NDUFB6: variants seen among roughly 807,000 people sequenced by gnomAD.
NDUFB6 encodes NADH:ubiquinone oxidoreductase subunit B6.
A neutral mutation model predicts 17.5 loss-of-function variants in NDUFB6; 23 were observed. The ratio of observed to expected loss-of-function variants is 1.31; its 90% confidence interval spans 0.94 to 1.86. The LOEUF (loss-of-function observed/expected upper bound fraction) is 1.86, where lower values mean the gene tolerates loss of function less well. NDUFB6 is among the 40% of genes most tolerant of loss of function. The pLI is 0.00. For missense variants in NDUFB6, 167 were observed against 153.8 expected (o/e 1.09, Z -0.46); for synonymous variants, 60 against 53.5 (o/e 1.12, Z -0.53).
At chr9:32,557,475 TTTTTTCC>T (rs1821498447) in intron 3 of NDUFB6, among the ~76,000 whole-genome samples, 1 of 150,342 alleles carries the variant, frequency 6.7e-6, no homozygotes, top group Non-Finnish European at 1.5e-5. Flanking sequence ...CCCTACTTTT[TTTTTTCC>T]TTTTTCCTTT....
chr9:32,566,126 A>G, intron 2 of NDUFB6: 1 of 577,018 alleles, frequency 1.7e-6, no homozygotes. Flanking sequence ...TCGAACAAAG[A>G]CGAGAATATG....
intron 2 of NDUFB6, chr9:32,565,291 CAA>C (rs373202494): frequency 3.7e-5 from 5 of 136,524 alleles, no homozygotes; most frequent in Non-Finnish European, 3.2e-5. Context: ...GACCCTGTCT[CAA>C]AAAAAAAAAA....
At chr9:32,567,042 T>C (rs1210480768) in intron 2 of NDUFB6, 1 of 498,986 alleles carries the variant, frequency 2.0e-6, no homozygotes, top group Non-Finnish European at 4.0e-6. Flanking sequence ...TTGCGCAGCA[T>C]CTCCCGGCAG....
chr9:32,557,329 A>T, intron 3 of NDUFB6, among the ~76,000 whole-genome samples: 1 of 102,030 alleles, frequency 9.8e-6, no homozygotes, highest in Non-Finnish European at 2.2e-5. Flanking sequence ...ACACCTGGCT[A>T]ATTTTTGTAT....
intron 2 of NDUFB6, chr9:32,566,985 A>G (rs778591428): frequency 1.8e-5 from 9 of 507,934 alleles, no homozygotes; most frequent in Non-Finnish European, 3.5e-5. Context: ...CGCTTCGGTC[A>G]GCTCCATGCC....
chr9:32,566,844 T>C, intron 2 of NDUFB6: 1 of 851,896 alleles, frequency 1.2e-6, no homozygotes, highest in Non-Finnish European at 1.9e-6. Flanking sequence ...CATCACACAG[T>C]AGCTGCCGGG....
intron 3 of NDUFB6, among the ~76,000 whole-genome samples, chr9:32,557,636 C>A (rs898223268): frequency 2.0e-5 from 3 of 151,494 alleles, no homozygotes; most frequent in Non-Finnish European, 4.4e-5. Flanking sequence ...CCCGCCACCA[C>A]GCACGGTAAT....
At chr9:32,554,423 T>C (rs190928945) in intron 3 of NDUFB6, among the ~76,000 whole-genome samples, 6 of 152,338 alleles carry the variant, frequency 3.9e-5, no homozygotes, top group Admixed American at 1.3e-4. Flanking sequence ...ATTCTTGATA[T>C]AGATGTGGGC....
At chr9:32,563,905 T>C (rs1281889928) in intron 2 of NDUFB6, among the ~76,000 whole-genome samples, 1 of 152,216 alleles carries the variant, frequency 6.6e-6, no homozygotes, top group Non-Finnish European at 1.5e-5. Flanking sequence ...TATGTTCCCA[T>C]CATTCTTTCA....
chr9:32,555,765 T>G (rs1040276524), intron 3 of NDUFB6, among the ~76,000 whole-genome samples: 13 of 152,182 alleles, frequency 8.5e-5, no homozygotes, highest in African/African-American at 3.1e-4. Flanking sequence ...CATTTAGATG[T>G]GGTCTAGGTA....
chr9:32,562,778 A>G (rs187987431), intron 2 of NDUFB6, among the ~76,000 whole-genome samples: 312 of 152,290 alleles, frequency 2.0e-3, no homozygotes, highest in African/African-American at 7.1e-3. Flanking sequence ...AATCTTCTCA[A>G]TTGTCTCAAT....
chr9:32,562,470 C>A (rs1422952695), intron 2 of NDUFB6, among the ~76,000 whole-genome samples: 1 of 152,208 alleles, frequency 6.6e-6, no homozygotes, highest in Admixed American at 6.5e-5. Flanking sequence ...TTGGTTGTTT[C>A]ACTCTTCTGT....
At chr9:32,571,945 G>C (rs532247024) in intron 1 of NDUFB6, among the ~76,000 whole-genome samples, 1 of 152,314 alleles carries the variant, frequency 6.6e-6, no homozygotes, top group Non-Finnish European at 1.5e-5. Flanking sequence ...AGCACAGTAA[G>C]AATCAGATAC....
At chr9:32,559,031 A>T (rs1425314607) in intron 2 of NDUFB6, 77 bp from the exon 3 acceptor site, 4 of 1,005,988 alleles carry the variant, frequency 4.0e-6, no homozygotes, top group Non-Finnish European at 6.0e-6. Context: ...TCATACCCCA[A>T]ATTTTAACTT....
At chr9:32,567,552 T>C (rs769037681) in intron 2 of NDUFB6, 2 of 410,598 alleles carry the variant, frequency 4.9e-6, no homozygotes, top group South Asian at 3.7e-5. Context: ...CTTGAACTCC[T>C]CACCTCAGCT....
chr9:32,560,698 T>C (rs951984329), intron 2 of NDUFB6, among the ~76,000 whole-genome samples: 5 of 152,204 alleles, frequency 3.3e-5, no homozygotes, highest in Non-Finnish European at 5.9e-5. Flanking sequence ...AATGTATAAA[T>C]ACAATTTAAA....
rs1821347391 is a variant in NDUFB6 at position 32,553,134 on chromosome 9, T to C, written c.*742A>G. The C allele has an allele frequency of 4.4e-6, 2 of 456,362 alleles. No individual in the cohort carries two copies. Among genetic ancestry groups the C allele is most frequent in the East Asian group, 3.6e-5 (1 of 28,114 alleles). 28.3% of individuals were successfully genotyped at this position (456,362 alleles called of 1,614,324 possible). The stretch of plus-strand genomic sequence containing the variant: ...AACCTAAATCTGACAGTCTTGAGTG[T>C]CAGATCATAGTTGGAATAAGCTTTT... On this transcript the variant is annotated 3_prime_UTR_variant, in exon 4 of 4. Transcript: ENST00000379847.
At chr9:32,570,640 T>A (rs1821916567) in intron 2 of NDUFB6, among the ~76,000 whole-genome samples, 1 of 152,192 alleles carries the variant, frequency 6.6e-6, no homozygotes, top group South Asian at 2.1e-4. Flanking sequence ...ATACAGGTTT[T>A]TAAAAAGGAG....
At position 32,572,898 on chromosome 9, in the gene NDUFB6, A is replaced by G. The variant is rs1821974781; in HGVS notation, c.163T>C (p.Ser55Pro). Residue 55 changes from serine (S) to proline (P), a missense_variant, in exon 1 of 4, where the codon TCC becomes CCC. Ser to Pro is a moderately conservative substitution (Grantham distance 74). Transcript: ENST00000379847. ...KFWNKFLENK[S>P]PWRKMVHGVY... ...TCACTCACCATTTTCCTCCAAGGGG[A>G]TTTATTCTCCAAAAATTTATTCCAG... 6.3e-7 allele frequency: 1 copy of G among 1,596,852 alleles called. No homozygotes were observed. The highest frequency in any genetic ancestry group is 1.3e-5 in the African/African-American group (1 of 74,126).
Sources: allele counts gnomAD v4.1 joint callset (sites outside exome capture counted in the v4.1 genomes callset), GRCh38; gene constraint gnomAD v4.1.1; transcripts MANE v1.5; gene names NCBI Gene and HGNC (gene_info 2026-07-23, HGNC 2026-07-21).